The following DGKG variants were observed in gnomAD, a reference collection of about 807,000 sequenced individuals.
The protein encoded by DGKG is DAG kinase gamma.
DGKG carries 78 observed loss-of-function variants against 105.3 expected under a neutral mutation model. The ratio of observed to expected loss-of-function variants is 0.74; its 90% CI spans 0.62 to 0.89. The LOEUF is 0.89. Among genes scored for constraint, DGKG ranks in the 40% least tolerant of loss-of-function variants. The probability of loss-of-function intolerance (pLI) is 0.00; values close to 1 mark genes in which losing one functional copy is unlikely to be tolerated. For missense variants in DGKG, 958 were observed against 1,020.1 expected, an observed-to-expected ratio of 0.94 and a Z score of 0.83; for synonymous variants, 346 against 367.1, an observed-to-expected ratio of 0.94 and a Z score of 0.66.
At chr3:186,186,754 A>G (rs1365252376) in intron 22 of DGKG, among the ~76,000 whole-genome samples, 1 of 152,224 alleles carries the variant, frequency 6.6e-6, no homozygotes, top group Non-Finnish European at 1.5e-5. Flanking sequence ...AGGACCTGTG[A>G]GGACCCGTGA....
chr3:186,234,671 A>C (rs900250243), intron 20 of DGKG, among the ~76,000 whole-genome samples: 1 of 152,228 alleles, frequency 6.6e-6, no homozygotes, highest in African/African-American at 2.4e-5. Flanking sequence ...CTACAGAAAG[A>C]AACGGTTCTG....
At chr3:186,267,660 C>T in intron 13 of DGKG, 25 bp downstream of exon 13, 1 of 1,595,380 alleles carries the variant, frequency 6.3e-7, no homozygotes, top group African/African-American at 1.3e-5. Context: ...GAAGCTACAG[C>T]CCTCGCCGGG....
intron 20 of DGKG, among the ~76,000 whole-genome samples, chr3:186,217,114 C>T (rs1719329802): frequency 6.6e-6 from 1 of 152,188 alleles, no homozygotes; most frequent in Admixed American, 6.5e-5. Flanking sequence ...GAAGAAGACG[C>T]ATTCCCCACA....
intron 2 of DGKG, among the ~76,000 whole-genome samples, chr3:186,315,268 C>T (rs1218808948): frequency 2.0e-5 from 3 of 152,186 alleles, no homozygotes; most frequent in Admixed American, 1.3e-4. Flanking sequence ...TTAAAGACTT[C>T]CTATAACTTC....
At chr3:186,197,956 G>C (rs1216407612) in intron 21 of DGKG, among the ~76,000 whole-genome samples, 1 of 152,034 alleles carries the variant, frequency 6.6e-6, no homozygotes, top group Non-Finnish European at 1.5e-5. Flanking sequence ...CCTCTTAAAG[G>C]GAATGTATAT....
intron 3 of DGKG, among the ~76,000 whole-genome samples, chr3:186,303,375 C>T (rs1339177397): frequency 6.6e-6 from 1 of 152,148 alleles, no homozygotes; most frequent in East Asian, 1.9e-4. Flanking sequence ...GCCAAAGGAA[C>T]TCTGTTTTTC....
chr3:186,250,107 C>A (rs1029563467), intron 19 of DGKG, among the ~76,000 whole-genome samples: 6 of 152,082 alleles, frequency 3.9e-5, no homozygotes, highest in Admixed American at 2.6e-4. Flanking sequence ...CAAGGCACCA[C>A]CATGCGAGTC....
At chr3:186,245,001 C>T (rs1025449452) in intron 19 of DGKG, among the ~76,000 whole-genome samples, 1 of 151,946 alleles carries the variant, frequency 6.6e-6, no homozygotes, top group Non-Finnish European at 1.5e-5. Context: ...CACTAATTTT[C>T]GTCTGTCAGG....
chr3:186,150,804 T>A (rs545050867), intron 24 of DGKG, among the ~76,000 whole-genome samples: 2 of 152,378 alleles, frequency 1.3e-5, no homozygotes, highest in Admixed American at 1.3e-4. Flanking sequence ...GGTTTATAAG[T>A]GTTTCCTCCT....
At chr3:186,291,754 G>A (rs956469514) in intron 5 of DGKG, among the ~76,000 whole-genome samples, 15 of 152,246 alleles carry the variant, frequency 9.9e-5, no homozygotes, top group Non-Finnish European at 1.9e-4. Context: ...GGGTAAGGAG[G>A]GTGGAGAAAA....
chr3:186,254,585 C>T (rs1721374153), intron 17 of DGKG, among the ~76,000 whole-genome samples: 1 of 152,120 alleles, frequency 6.6e-6, no homozygotes, highest in Non-Finnish European at 1.5e-5. Context: ...TAGGTTTTTC[C>T]TTTTCCCTCA....
chr3:186,315,084 G>A (rs1220693950), intron 2 of DGKG, among the ~76,000 whole-genome samples: 1 of 152,140 alleles, frequency 6.6e-6, no homozygotes, highest in East Asian at 1.9e-4. Context: ...AGTATTGGAG[G>A]AGCTAATGAA....
chr3:186,294,471 G>A (rs1002268715), intron 5 of DGKG, among the ~76,000 whole-genome samples: 1 of 151,164 alleles, frequency 6.6e-6, no homozygotes, highest in East Asian at 1.9e-4. Context: ...GGGAGGCAGA[G>A]GTTGTGGTGA....
chr3:186,225,834 A>G (rs1719835134), intron 20 of DGKG, among the ~76,000 whole-genome samples: 1 of 152,126 alleles, frequency 6.6e-6, no homozygotes. Flanking sequence ...TGTCTCCGCT[A>G]CTTTCTTCCT....
intron 2 of DGKG, among the ~76,000 whole-genome samples, chr3:186,316,593 T>C (rs1441482798): frequency 6.6e-6 from 1 of 152,206 alleles, no homozygotes; most frequent in Non-Finnish European, 1.5e-5. Flanking sequence ...CTGTCAGCTA[T>C]ATGTGTGTGT....
At chr3:186,302,461 T>C (rs1477232329) in intron 3 of DGKG, among the ~76,000 whole-genome samples, 12 of 4,386 alleles carry the variant, frequency 2.7e-3, no homozygotes, top group South Asian at 0.011. Flanking sequence ...GGAAATGTGC[T>C]ATATATATAT....
chr3:186,205,823 T>C (rs1376715664), intron 21 of DGKG, among the ~76,000 whole-genome samples: 4 of 152,098 alleles, frequency 2.6e-5, no homozygotes, highest in Non-Finnish European at 5.9e-5. Context: ...GAGTATTTGA[T>C]ATACTATTCT....
At chr3:186,180,433 C>T (rs971574923) in intron 22 of DGKG, among the ~76,000 whole-genome samples, 1 of 152,112 alleles carries the variant, frequency 6.6e-6, no homozygotes, top group Non-Finnish European at 1.5e-5. Flanking sequence ...AAGAAGAGTC[C>T]CAGTGCACAC....
At chr3:186,207,943 G>A (rs539664880) in intron 21 of DGKG, among the ~76,000 whole-genome samples, 11 of 152,332 alleles carry the variant, frequency 7.2e-5, no homozygotes, top group African/African-American at 2.4e-4. Flanking sequence ...CACAAGCTTC[G>A]TTTCAGAGAT....
Sources: gnomAD v4.1 joint callset for allele counts (sites outside exome capture counted in the v4.1 genomes callset) on GRCh38, gnomAD v4.1.1 for gene constraint, MANE v1.5 for transcripts, NCBI Gene and HGNC (gene_info 2026-07-23, HGNC 2026-07-21) for gene names.